Variants in ARHGEF3 observed in about 807,000 individuals in gnomAD.
ARHGEF3 encodes the protein 59.8 kDA protein.
Under a neutral mutation model 63.2 loss-of-function variants are expected in ARHGEF3, and 28 were observed. The observed-to-expected ratio is 0.44, with a 90% CI of 0.33 to 0.61. ARHGEF3 has a LOEUF of 0.61. Among genes scored for constraint, ARHGEF3 ranks in the 20% least tolerant of loss-of-function variants. The pLI, the probability that ARHGEF3 is intolerant of heterozygous loss-of-function variation, is 0.03. For missense variants in ARHGEF3, 533 were observed against 659.3 expected (o/e 0.81, Z 2.10); for synonymous variants, 266 against 254.2 (o/e 1.05, Z -0.44).
intron 3 of ARHGEF3, among the ~76,000 whole-genome samples, chr3:56,949,606 A>G (rs1191159445): frequency 6.6e-6 from 1 of 152,066 alleles, no homozygotes; most frequent in Non-Finnish European, 1.5e-5. Flanking sequence ...GAGAACCACA[A>G]ACCACTGCTC....
chr3:56,899,591 TAA>T (rs1216567341), intron 3 of ARHGEF3, among the ~76,000 whole-genome samples: 1 of 152,210 alleles, frequency 6.6e-6, no homozygotes, highest in Non-Finnish European at 1.5e-5. Context: ...AACTTTCCAT[TAA>T]ATATAAATAT....
At chr3:56,989,531 G>C (rs1322031684) in intron 2 of ARHGEF3, among the ~76,000 whole-genome samples, 1 of 152,240 alleles carries the variant, frequency 6.6e-6, no homozygotes, top group Non-Finnish European at 1.5e-5. Context: ...TGCCCAGGGG[G>C]CAGGGGGCTC....
At chr3:56,939,370 C>G (rs1239865931) in intron 3 of ARHGEF3, among the ~76,000 whole-genome samples, 1 of 152,246 alleles carries the variant, frequency 6.6e-6, no homozygotes, top group South Asian at 2.1e-4. Context: ...TTGGAGGTAG[C>G]AAGATCACTA....
At chr3:56,791,160 T>G (rs1300611731) in intron 1 of ARHGEF3, among the ~76,000 whole-genome samples, 1 of 152,102 alleles carries the variant, frequency 6.6e-6, no homozygotes, top group East Asian at 1.9e-4. Flanking sequence ...CCCAGCACCT[T>G]GGGAGGCCGA....
At chr3:57,027,014 T>C in intron 2 of ARHGEF3, among the ~76,000 whole-genome samples, 1 of 152,194 alleles carries the variant, frequency 6.6e-6, no homozygotes, top group East Asian at 1.9e-4. Flanking sequence ...TTAGAAATTG[T>C]CACAGAGAAG....
intron 3 of ARHGEF3, among the ~76,000 whole-genome samples, chr3:56,897,845 G>A (rs1195719221): frequency 1.3e-5 from 2 of 151,944 alleles, no homozygotes; most frequent in African/African-American, 4.8e-5. Context: ...GATTACAGGC[G>A]TGAGCCACCA....
intron 4 of ARHGEF3, among the ~76,000 whole-genome samples, chr3:56,824,599 C>T (rs1484592926): frequency 6.6e-6 from 1 of 152,206 alleles, no homozygotes; most frequent in Non-Finnish European, 1.5e-5. Context: ...GAACCATTTA[C>T]ACACTAGTAT....
intron 3 of ARHGEF3, among the ~76,000 whole-genome samples, chr3:56,916,822 T>C (rs1376910185): frequency 1.3e-5 from 2 of 152,318 alleles, no homozygotes; most frequent in African/African-American, 4.8e-5. Context: ...AATGATCTAC[T>C]TGAACTTTAC....
intron 2 of ARHGEF3, among the ~76,000 whole-genome samples, chr3:56,994,762 G>A (rs944070368): frequency 3.3e-5 from 5 of 151,640 alleles, no homozygotes; most frequent in Admixed American, 2.6e-4. Flanking sequence ...TACAAGATGC[G>A]GCAGGAATGA....
intron 4 of ARHGEF3, among the ~76,000 whole-genome samples, chr3:56,813,133 C>T (rs537026109): frequency 6.6e-6 from 1 of 152,242 alleles, no homozygotes; most frequent in East Asian, 1.9e-4. Context: ...TGAAAGAGTG[C>T]CCTGCAGGAA....
intron 6 of ARHGEF3, 55 bp downstream of exon 6, chr3:56,751,001 C>T: frequency 7.9e-7 from 1 of 1,258,368 alleles, no homozygotes; most frequent in Non-Finnish European, 1.1e-6. Context: ...TAAAATGAAA[C>T]TCCCATCTAT....
chr3:56,758,766 C>T (rs923707708), intron 2 of ARHGEF3, among the ~76,000 whole-genome samples: 2 of 152,152 alleles, frequency 1.3e-5, no homozygotes, highest in Non-Finnish European at 2.9e-5. Context: ...CGCCAGCACT[C>T]GGAATCAATT....
At chr3:56,852,183 A>G (rs2039697120) in intron 4 of ARHGEF3, among the ~76,000 whole-genome samples, 1 of 152,190 alleles carries the variant, frequency 6.6e-6, no homozygotes, top group Admixed American at 6.5e-5. Context: ...CAGCAGAGCT[A>G]TGGGTCATTC....
intron 4 of ARHGEF3, among the ~76,000 whole-genome samples, chr3:56,849,693 CCAGA>C (rs1477860202): frequency 2.0e-5 from 3 of 152,002 alleles, no homozygotes; most frequent in South Asian, 2.1e-4. Flanking sequence ...AATTTAATCA[CCAGA>C]CAAAGAAAAC....
At chr3:56,835,201 G>C (rs1393542223) in intron 4 of ARHGEF3, among the ~76,000 whole-genome samples, 1 of 152,030 alleles carries the variant, frequency 6.6e-6, no homozygotes, top group Admixed American at 6.6e-5. Context: ...TTGAGATGAA[G>C]TCTTGCTCTT....
At chr3:57,029,651 T>C (rs920866752) in intron 2 of ARHGEF3, among the ~76,000 whole-genome samples, 2 of 152,146 alleles carry the variant, frequency 1.3e-5, no homozygotes, top group African/African-American at 4.8e-5. Flanking sequence ...AAGCCAGCAC[T>C]GGCCAAACAA....
At chr3:56,921,065 A>AC (rs1332946309) in intron 3 of ARHGEF3, among the ~76,000 whole-genome samples, 4 of 150,718 alleles carry the variant, frequency 2.7e-5, no homozygotes, top group African/African-American at 9.7e-5. Context: ...AAAAAAAAAA[A>AC]AAAAAAAAAA....
intron 1 of ARHGEF3, among the ~76,000 whole-genome samples, chr3:56,777,703 G>C (rs1052686086): frequency 6.6e-6 from 1 of 152,172 alleles, no homozygotes; most frequent in African/African-American, 2.4e-5. Flanking sequence ...CAGCCAGAGT[G>C]GGGTGAGGAA....
At chr3:56,797,789 C>T (rs778010260) in intron 1 of ARHGEF3, among the ~76,000 whole-genome samples, 1 of 152,142 alleles carries the variant, frequency 6.6e-6, no homozygotes, top group Non-Finnish European at 1.5e-5. Context: ...ATGTAAGGTG[C>T]TCAAGGTTAT....
Sources: gnomAD v4.1 joint callset for allele counts (sites outside exome capture counted in the v4.1 genomes callset) on GRCh38, gnomAD v4.1.1 for gene constraint, MANE v1.5 for transcripts, NCBI Gene and HGNC (gene_info 2026-07-23, HGNC 2026-07-21) for gene names.